PLB1: variants seen among roughly 807,000 people sequenced by gnomAD.
PLB1 encodes phospholipase B1, membrane-associated.
PLB1 carries 242 observed loss-of-function variants against 227.4 expected under a neutral mutation model. That is an observed-to-expected ratio of 1.06 (90% confidence interval 0.96 to 1.18). The LOEUF (loss-of-function observed/expected upper bound fraction) is 1.18, where lower values mean the gene tolerates loss of function less well. Among genes scored for constraint, PLB1 ranks in the 50% most tolerant of loss-of-function variants. PLB1 has a pLI of 0.00. For synonymous variants in PLB1, 757 were observed against 682.2 expected, an observed-to-expected ratio of 1.11 and a Z score of -1.71; for missense variants, 1,858 against 1,816.3, an observed-to-expected ratio of 1.02 and a Z score of -0.42.
At chr2:28,619,435 G>C (rs1303958542) in intron 46 of PLB1, among the ~76,000 whole-genome samples, 1 of 152,102 alleles carries the variant, frequency 6.6e-6, no homozygotes, top group African/African-American at 2.4e-5. Flanking sequence ...GTGGCAAGGG[G>C]CAGGATTCTT....
chr2:28,591,569 C>G (rs1205855548), intron 30 of PLB1, 131 bp from the exon 31 acceptor site: 1 of 891,858 alleles, frequency 1.1e-6, no homozygotes, highest in Non-Finnish European at 1.7e-6. Context: ...CTTCAAAGGC[C>G]CTTTTGAGGC....
intron 56 of PLB1, 33 bp downstream of exon 56, chr2:28,633,072 A>AG (rs1374418035): frequency 1.9e-6 from 3 of 1,557,720 alleles, no homozygotes; most frequent in South Asian, 1.1e-5. Flanking sequence ...GGCCTTGTCA[A>AG]GGGGGGATCT....
intron 4 of PLB1, among the ~76,000 whole-genome samples, chr2:28,520,699 G>C (rs995364854): frequency 1.3e-5 from 2 of 152,142 alleles, no homozygotes; most frequent in Non-Finnish European, 2.9e-5. Context: ...TTGGCCAGGT[G>C]TGGTGGCTCA....
chr2:28,592,779 C>T (rs753808666), intron 32 of PLB1, 60 bp downstream of exon 32: 7 of 1,523,318 alleles, frequency 4.6e-6, no homozygotes, highest in Non-Finnish European at 9.1e-7. Context: ...AGATCCCAGT[C>T]CTCTTAACTT....
At chr2:28,556,063 A>C (rs971189663) in intron 17 of PLB1, among the ~76,000 whole-genome samples, 1 of 151,854 alleles carries the variant, frequency 6.6e-6, no homozygotes. Flanking sequence ...AGGTCTCACT[A>C]TGTTGCCCGG....
At chr2:28,624,901 G>A (rs1387872345) in intron 49 of PLB1, among the ~76,000 whole-genome samples, 156 bp from the exon 50 acceptor site, 1 of 152,216 alleles carries the variant, frequency 6.6e-6, no homozygotes, top group Non-Finnish European at 1.5e-5. Flanking sequence ...GCAGCCATGT[G>A]ATTGTTACTA....
chr2:28,556,450 TA>T (rs1675141301), intron 17 of PLB1, among the ~76,000 whole-genome samples: 1 of 152,206 alleles, frequency 6.6e-6, no homozygotes, highest in South Asian at 2.1e-4. Context: ...CAGTAAAAAC[TA>T]AAAACTTGCA....
rs565205610 is a variant in PLB1, at chr2:28,614,997, C to T, written c.3195+901C>T. Among the ~76,000 whole-genome samples, 4 of 152,204 alleles carry T rather than the reference C, an allele frequency of 2.6e-5. No homozygotes were observed. The South Asian group carries it at 8.3e-4, about 32-fold the overall frequency. On this transcript the variant is annotated intron_variant, in intron 44 of 57. Transcript: ENST00000327757. ...TGGTCATTTCAGATAGTGATGACAG[C>T]TCTGAGGAGCGTGATGGGGCTGGGG... is the stretch of plus-strand genomic sequence containing the variant.
intron 26 of PLB1, 37 bp from the exon 27 acceptor site, chr2:28,589,413 A>G (rs776958074): frequency 6.7e-7 from 1 of 1,489,346 alleles, no homozygotes; most frequent in Non-Finnish European, 9.4e-7. Context: ...AGATGCAGAG[A>G]GGACTGCCTG....
At chr2:28,563,489 G>A (rs537634797) in intron 18 of PLB1, among the ~76,000 whole-genome samples, 29 of 151,196 alleles carry the variant, frequency 1.9e-4, no homozygotes, top group African/African-American at 6.8e-4. Context: ...GCTTTGTTTT[G>A]TCCATGTAGA....
chr2:28,632,230 T>TTA, intron 55 of PLB1, 90 bp downstream of exon 55: 1 of 1,096,516 alleles, frequency 9.1e-7, no homozygotes, highest in Non-Finnish European at 1.3e-6. Flanking sequence ...GCTTTTTTTT[T>TTA]TTTTAACCAT....
At chr2:28,582,281 G>A in intron 24 of PLB1, 124 bp from the exon 25 acceptor site, 3 of 1,178,154 alleles carry the variant, frequency 2.5e-6, no homozygotes, top group South Asian at 2.7e-5. Flanking sequence ...GACGGGTGGA[G>A]GAAGTGGATG....
intron 43 of PLB1, among the ~76,000 whole-genome samples, chr2:28,613,339 G>C (rs1396826467): frequency 6.6e-6 from 1 of 152,174 alleles, no homozygotes; most frequent in Non-Finnish European, 1.5e-5. Context: ...GCTGTTTCCT[G>C]ATCTCAGTCT....
intron 26 of PLB1, among the ~76,000 whole-genome samples, chr2:28,586,246 G>A (rs112245900): frequency 5.7e-4 from 87 of 152,284 alleles, no homozygotes; most frequent in African/African-American, 2.0e-3. Flanking sequence ...GTGGGAAACG[G>A]AGGCTGAAAG....
chr2:28,634,933 AT>A (rs1689120162), intron 56 of PLB1, among the ~76,000 whole-genome samples: 1 of 152,078 alleles, frequency 6.6e-6, no homozygotes, highest in South Asian at 2.1e-4. Flanking sequence ...GAAAAAAAAA[AT>A]ATATGTAGCT....
intron 9 of PLB1, 108 bp downstream of exon 9, chr2:28,532,302 C>A: frequency 1.3e-6 from 1 of 776,906 alleles, no homozygotes; most frequent in South Asian, 2.0e-5. Flanking sequence ...GGGGCTAATG[C>A]CACCTATTTT....
chr2:28,626,460 C>G lies in PLB1; in HGVS notation c.3612C>G (p.Val1204=). The G allele has an allele frequency of 6.2e-7, 1 of 1,614,192 alleles. No homozygotes were observed. Among genetic ancestry groups the G allele is most frequent in the South Asian group, 1.1e-5 (1 of 91,084 alleles). The part of the protein sequence containing the change: ...DINLEKDWKL[V]TLFIGVNDLC... ...ACCTGGAGAAAGACTGGAAGCTGGTCACACTCTTCATTGGGGTCAACGACT... is the reference window on the plus strand; with the variant it reads ...ACCTGGAGAAAGACTGGAAGCTGGTGACACTCTTCATTGGGGTCAACGACT... The change falls in exon 51 of 58, where the codon GTC becomes GTG. Residue 1204 remains valine (V), a synonymous_variant. Coordinates refer to ENST00000327757, the MANE Select transcript of PLB1 (RefSeq NM_153021.5).
chr2:28,625,165 A>G, intron 50 of PLB1, 57 bp downstream of exon 50: 2 of 1,508,184 alleles, frequency 1.3e-6, no homozygotes, highest in Admixed American at 3.4e-5. Context: ...CTGGCTGGGG[A>G]GGGGACAGCC....
At chr2:28,539,432 G>C (rs1392094095) in intron 11 of PLB1, among the ~76,000 whole-genome samples, 2 of 152,184 alleles carry the variant, frequency 1.3e-5, no homozygotes, top group African/African-American at 4.8e-5. Flanking sequence ...TTGATGTTGT[G>C]CCAGAGGCTC....
Sources: gnomAD v4.1 joint callset for allele counts (sites outside exome capture counted in the v4.1 genomes callset) on GRCh38, gnomAD v4.1.1 for gene constraint, MANE v1.5 for transcripts, NCBI Gene and HGNC (gene_info 2026-07-23, HGNC 2026-07-21) for gene names.